Variants in ATF2 observed in about 807,000 individuals in gnomAD.
The protein encoded by ATF2 is cyclic AMP-dependent transcription factor ATF-2.
A neutral mutation model predicts 60.6 loss-of-function variants in ATF2; 24 were observed. That is an observed-to-expected ratio of 0.40 (90% CI 0.29 to 0.56). The LOEUF (loss-of-function observed/expected upper bound fraction) is 0.56, where lower values mean the gene tolerates loss of function less well. Ranked by LOEUF, ATF2 falls within the 20% of genes least tolerant of loss-of-function variation. ATF2 has a pLI of 0.54. For synonymous variants in ATF2, 206 were observed against 215.4 expected, an observed-to-expected ratio of 0.96 and a Z score of 0.38; for missense variants, 433 against 607.7, an observed-to-expected ratio of 0.71 and a Z score of 3.02.
At chr2:175,113,951 G>T in intron 9 of ATF2, 43 bp downstream of exon 9, 1 of 1,499,408 alleles carries the variant, frequency 6.7e-7, no homozygotes, top group Non-Finnish European at 9.2e-7. Flanking sequence ...TGACTACAAA[G>T]ATCAGTTTTG....
At chr2:175,134,148 G>A (rs1458745355) in intron 3 of ATF2, among the ~76,000 whole-genome samples, 1 of 152,130 alleles carries the variant, frequency 6.6e-6, no homozygotes, top group African/African-American at 2.4e-5. Flanking sequence ...AACATGTACA[G>A]ACTTTTTTTC....
At chr2:175,112,987 A>G (rs1023867656) in intron 9 of ATF2, among the ~76,000 whole-genome samples, 3 of 152,254 alleles carry the variant, frequency 2.0e-5, no homozygotes, top group African/African-American at 7.2e-5. Context: ...TATTACATAA[A>G]TAAGTACCTA....
chr2:175,144,782 T>C (rs1698833662), intron 2 of ATF2, among the ~76,000 whole-genome samples: 1 of 152,174 alleles, frequency 6.6e-6, no homozygotes, highest in African/African-American at 2.4e-5. Context: ...GAGCTGTCAA[T>C]GCCCAAGTGG....
intron 13 of ATF2, among the ~76,000 whole-genome samples, chr2:175,076,863 C>T (rs1036687550): frequency 6.6e-6 from 1 of 151,600 alleles, no homozygotes; most frequent in African/African-American, 2.4e-5. Flanking sequence ...TAGTTACATA[C>T]GTATACATAT....
chr2:175,084,737 T>A (rs980882869), intron 12 of ATF2, among the ~76,000 whole-genome samples: 3 of 152,046 alleles, frequency 2.0e-5, no homozygotes, highest in Non-Finnish European at 2.9e-5. Context: ...TTTGTGTGTA[T>A]ACATATAGAT....
chr2:175,114,498 G>T, intron 8 of ATF2, 192 bp downstream of exon 8: 4 of 1,297,338 alleles, frequency 3.1e-6, no homozygotes, highest in Non-Finnish European at 3.9e-6. Flanking sequence ...GTTTTTAGTT[G>T]TATTTATCTC....
intron 1 of ATF2, among the ~76,000 whole-genome samples, chr2:175,165,256 T>A (rs1474554690): frequency 6.6e-6 from 1 of 152,230 alleles, no homozygotes; most frequent in Non-Finnish European, 1.5e-5. Context: ...GAGGTTCTGA[T>A]GAAAATCTGG....
At chr2:175,123,464 A>G (rs1697107636) in intron 4 of ATF2, among the ~76,000 whole-genome samples, 1 of 152,096 alleles carries the variant, frequency 6.6e-6, no homozygotes, top group African/African-American at 2.4e-5. Context: ...CAAACTCAAC[A>G]AATTAATAGA....
chr2:175,125,402 G>A (rs1403994030), intron 4 of ATF2, among the ~76,000 whole-genome samples: 1 of 151,952 alleles, frequency 6.6e-6, no homozygotes, highest in African/African-American at 2.4e-5. Context: ...AAGTATCTTA[G>A]GGTACGAACA....
chr2:175,074,913 G>A, intron 13 of ATF2, 78 bp from the exon 14 acceptor site: 1 of 1,571,810 alleles, frequency 6.4e-7, no homozygotes, highest in South Asian at 1.1e-5. Context: ...AATACACAGA[G>A]TAAAAAGTTA....
At chr2:175,087,519 G>A (rs915679328) in intron 12 of ATF2, among the ~76,000 whole-genome samples, 1 of 152,082 alleles carries the variant, frequency 6.6e-6, no homozygotes, top group African/African-American at 2.4e-5. Flanking sequence ...ATAGCCAACT[G>A]ACTAATCAAT....
intron 12 of ATF2, among the ~76,000 whole-genome samples, chr2:175,085,607 C>G (rs113812215): frequency 1.9e-3 from 282 of 148,928 alleles, no homozygotes; most frequent in African/African-American, 6.8e-3. Context: ...CAAATTCTCT[C>G]TTTAAATAGA....
chr2:175,142,330 G>C (rs965413745), intron 2 of ATF2, among the ~76,000 whole-genome samples: 1 of 151,556 alleles, frequency 6.6e-6, no homozygotes, highest in Non-Finnish European at 1.5e-5. Context: ...CACCACTCCC[G>C]GCTAATTTTT....
chr2:175,105,505 A>G (rs1256404251), intron 10 of ATF2, among the ~76,000 whole-genome samples: 1 of 152,204 alleles, frequency 6.6e-6, no homozygotes, highest in Middle Eastern at 3.2e-3. Flanking sequence ...ATGTCTATTG[A>G]ATTTCTTAGA....
intron 11 of ATF2, among the ~76,000 whole-genome samples, chr2:175,096,132 T>C (rs1007240164): frequency 2.0e-5 from 3 of 152,236 alleles, no homozygotes; most frequent in South Asian, 2.1e-4. Context: ...TTGAAAACTT[T>C]TGCTTTTTAA....
intron 13 of ATF2, 106 bp downstream of exon 13, chr2:175,080,554 T>A: frequency 1.2e-6 from 1 of 805,896 alleles, no homozygotes; most frequent in Non-Finnish European, 1.9e-6. Flanking sequence ...ATATTTAATC[T>A]TGAATATTAG....
At chr2:175,121,896 T>G (rs577209660) in intron 4 of ATF2, among the ~76,000 whole-genome samples, 1 of 152,016 alleles carries the variant, frequency 6.6e-6, no homozygotes, top group Non-Finnish European at 1.5e-5. Flanking sequence ...ACTCCATGGT[T>G]CAATGACTTT....
rs1693017986 is a variant in ATF2, at chr2:175,072,714, G to A, written c.*1895C>T. On this transcript the variant is annotated 3_prime_UTR_variant, in exon 14 of 14. Coordinates refer to ENST00000264110, the MANE Select transcript of ATF2 (RefSeq NM_001880.4). Reference sequence around the variant, plus strand: ...TTTGTGCCTTTGAGATAACTCCTTAGAATAATGATATCAAAATCATGATTT... The same window carrying A: ...TTTGTGCCTTTGAGATAACTCCTTAAAATAATGATATCAAAATCATGATTT... The A allele has an allele frequency of 1.3e-5, 2 of 151,790 alleles. No individual in the cohort carries two copies. The highest frequency in any genetic ancestry group is 2.9e-5 in the Non-Finnish European group (2 of 67,924). The allele number at this position is 151,790 out of a possible 1,614,324, so 9.4% of individuals were successfully genotyped here.
intron 12 of ATF2, among the ~76,000 whole-genome samples, chr2:175,081,349 G>C (rs1310825245): frequency 6.6e-6 from 1 of 152,130 alleles, no homozygotes; most frequent in Non-Finnish European, 1.5e-5. Context: ...CTTTGACCCA[G>C]GCAATTTGTA....
Sources: gnomAD v4.1 joint callset for allele counts (sites outside exome capture counted in the v4.1 genomes callset) on GRCh38, gnomAD v4.1.1 for gene constraint, MANE v1.5 for transcripts, NCBI Gene and HGNC (gene_info 2026-07-23, HGNC 2026-07-21) for gene names.